Variants in ATE1 observed in about 807,000 individuals in gnomAD.
The protein encoded by ATE1 is arginyltransferase 1.
ATE1 carries 36 observed loss-of-function variants against 70.5 expected under a neutral mutation model. The ratio of observed to expected loss-of-function variants is 0.51; its 90% CI spans 0.39 to 0.67. ATE1 has a LOEUF of 0.67. Among genes scored for constraint, ATE1 ranks in the 30% least tolerant of loss-of-function variants. The pLI is 0.00. For missense variants in ATE1, 593 were observed against 629.5 expected (o/e 0.94, Z 0.62); for synonymous variants, 232 against 219.3 (o/e 1.06, Z -0.51).
chr10:121,804,039 G>C (rs1392609815), intron 10 of ATE1, among the ~76,000 whole-genome samples: 2 of 152,188 alleles, frequency 1.3e-5, no homozygotes, highest in Non-Finnish European at 2.9e-5. Flanking sequence ...GGACTTGGTA[G>C]AAAGTTAATG....
intron 5 of ATE1, among the ~76,000 whole-genome samples, chr10:121,904,714 A>G (rs1394741964): frequency 6.9e-6 from 1 of 145,404 alleles, no homozygotes. Flanking sequence ...AAAAAAAAAA[A>G]GGTTTATAAA....
chr10:121,746,593 T>A (rs750463921), intron 11 of ATE1, among the ~76,000 whole-genome samples: 1 of 152,166 alleles, frequency 6.6e-6, no homozygotes, highest in Non-Finnish European at 1.5e-5. Context: ...AGCTATAAAC[T>A]CCTATATCTA....
In ATE1 at chr10:121,811,352, T is replaced by G. The variant is rs531491746; in HGVS notation, c.1258-21063A>C. 2.0e-5 allele frequency among the ~76,000 whole-genome samples: 3 copies of G among 152,262 alleles called. No homozygotes were observed. In the South Asian group the frequency reaches 6.2e-4, roughly 32 times the overall value. ...AATGGGGTAAAATACTACCAATAGG[T>G]AAATCTGACAAAAGAGTACACTGTA... On this transcript the variant is annotated intron_variant, in intron 10 of 11. Transcript: ENST00000224652.
At chr10:121,819,781 A>C (rs1434340499) in intron 10 of ATE1, among the ~76,000 whole-genome samples, 1 of 151,660 alleles carries the variant, frequency 6.6e-6, no homozygotes, top group East Asian at 1.9e-4. Context: ...TAAAGGATTT[A>C]TTCATGTAAC....
chr10:121,784,099 A>G (rs1946109757), intron 11 of ATE1, among the ~76,000 whole-genome samples: 1 of 152,222 alleles, frequency 6.6e-6, no homozygotes, highest in Non-Finnish European at 1.5e-5. Context: ...AGAAAAAAGA[A>G]AGGGATTAGA....
intron 8 of ATE1, among the ~76,000 whole-genome samples, chr10:121,846,447 C>T (rs1267458761): frequency 6.6e-6 from 1 of 152,140 alleles, no homozygotes; most frequent in East Asian, 1.9e-4. Context: ...CTGCACACAA[C>T]TCCCTTCCAA....
chr10:121,796,051 A>G (rs1458809651), intron 10 of ATE1, among the ~76,000 whole-genome samples: 1 of 152,182 alleles, frequency 6.6e-6, no homozygotes, highest in African/African-American at 2.4e-5. Flanking sequence ...CAGATTTTCT[A>G]AGTACTCAAA....
chr10:121,804,624 T>C (rs1431796755), intron 10 of ATE1, among the ~76,000 whole-genome samples: 1 of 152,190 alleles, frequency 6.6e-6, no homozygotes, highest in Non-Finnish European at 1.5e-5. Context: ...TTGGAAGCTG[T>C]TGAGCACAGG....
intron 8 of ATE1, among the ~76,000 whole-genome samples, chr10:121,848,013 G>A (rs1048773913): frequency 6.6e-6 from 1 of 152,092 alleles, no homozygotes; most frequent in African/African-American, 2.4e-5. Context: ...GGAGGTTGCA[G>A]TGAGCTGAGA....
At chr10:121,916,678 A>C (rs1951672824) in intron 3 of ATE1, among the ~76,000 whole-genome samples, 1 of 152,074 alleles carries the variant, frequency 6.6e-6, no homozygotes, top group South Asian at 2.1e-4. Context: ...TACTGAAAAT[A>C]CAAAAAATTA....
chr10:121,928,307 G>A (rs774461472), upstream of ATE1: 31 of 1,508,706 alleles, frequency 2.1e-5, no homozygotes, highest in South Asian at 2.9e-4. Flanking sequence ...CCTGTGCGGG[G>A]CGCGGCGGCC....
At chr10:121,898,219 T>C (rs1950851386) in intron 7 of ATE1, among the ~76,000 whole-genome samples, 1 of 152,168 alleles carries the variant, frequency 6.6e-6, no homozygotes, top group Non-Finnish European at 1.5e-5. Context: ...GTCCCCAACT[T>C]ATAATGGTTG....
At position 121,902,556 on chromosome 10, in the gene ATE1, T is replaced by C. The variant is rs566362213; in HGVS notation, c.648A>G (p.Lys216=). 8 of 1,614,168 alleles carry C rather than the reference T, an allele frequency of 5.0e-6. No homozygotes were observed. Among genetic ancestry groups the C allele is most frequent in the African/African-American group, 4.0e-5 (3 of 75,052 alleles). Residue 216 remains lysine (K), a synonymous_variant, in exon 6 of 12, where the codon AAA becomes AAG. Transcript: ENST00000224652. ...RKAKEIRKER[K]RLKLMQQNPA... is the part of the protein sequence containing the mutation. ...GGTTCTGCTGCATTAGTTTTAACCT[T>C]TTCCTTTCTTTCCGGATTTCCTTTG... is the stretch of plus-strand genomic sequence containing the variant.
chr10:121,918,773 G>A (rs1951760409), intron 3 of ATE1, among the ~76,000 whole-genome samples: 1 of 138,962 alleles, frequency 7.2e-6, no homozygotes, highest in Admixed American at 7.2e-5. Flanking sequence ...CTCATCCTCT[G>A]CCAATCCAAC....
intron 10 of ATE1, among the ~76,000 whole-genome samples, chr10:121,820,194 C>G (rs980052884): frequency 6.6e-6 from 1 of 151,900 alleles, no homozygotes; most frequent in Admixed American, 6.6e-5. Context: ...ACACAATTCA[C>G]AAGGGGAAAA....
intron 10 of ATE1, among the ~76,000 whole-genome samples, chr10:121,800,227 A>C (rs1004114288): frequency 2.0e-5 from 3 of 152,200 alleles, no homozygotes; most frequent in Non-Finnish European, 4.4e-5. Context: ...ATTAGAGTTA[A>C]AGCATTTGAG....
chr10:121,873,721 ATAAT>A (rs1949940088), intron 7 of ATE1, among the ~76,000 whole-genome samples: 1 of 151,872 alleles, frequency 6.6e-6, no homozygotes, highest in African/African-American at 2.4e-5. Flanking sequence ...CAGAAAAATG[ATAAT>A]TATTTTCTCT....
At chr10:121,856,501 G>A (rs1051180779) in intron 8 of ATE1, among the ~76,000 whole-genome samples, 1 of 152,224 alleles carries the variant, frequency 6.6e-6, no homozygotes, top group Non-Finnish European at 1.5e-5. Context: ...CGGCACTCCA[G>A]CCTGGGTGAA....
intron 11 of ATE1, among the ~76,000 whole-genome samples, chr10:121,749,067 C>T (rs979835864): frequency 4.6e-5 from 7 of 152,174 alleles, no homozygotes; most frequent in Admixed American, 6.5e-5. Flanking sequence ...CATGAACACA[C>T]TTTGACTATA....
Sources: allele counts gnomAD v4.1 joint callset (sites outside exome capture counted in the v4.1 genomes callset), GRCh38; gene constraint gnomAD v4.1.1; transcripts MANE v1.5; gene names NCBI Gene and HGNC (gene_info 2026-07-23, HGNC 2026-07-21).